The following PRKD3 variants were observed in gnomAD, a reference collection of about 807,000 sequenced individuals.
PRKD3 encodes the protein protein kinase D3, also known as serine/threonine-protein kinase D3.
Under a neutral mutation model 99.2 loss-of-function variants are expected in PRKD3, and 47 were observed. That is an observed-to-expected ratio of 0.47 (90% CI 0.38 to 0.60). The LOEUF is 0.60. Ranked by LOEUF, PRKD3 falls within the 20% of genes least tolerant of loss-of-function variation. PRKD3 has a pLI of 0.00. For synonymous variants in PRKD3, 392 were observed against 355.4 expected (o/e 1.10, Z -1.16); for missense variants, 1,019 against 1,088.4 (o/e 0.94, Z 0.90).
intron 2 of PRKD3, among the ~76,000 whole-genome samples, chr2:37,302,729 T>G (rs562951783): frequency 6.6e-6 from 1 of 152,264 alleles, no homozygotes; most frequent in East Asian, 1.9e-4. Context: ...CTTTTAATTT[T>G]TTTTTTTAGA....
intron 2 of PRKD3, among the ~76,000 whole-genome samples, chr2:37,298,463 G>A (rs1670769535): frequency 6.6e-6 from 1 of 151,078 alleles, no homozygotes; most frequent in Non-Finnish European, 1.5e-5. Flanking sequence ...TCCCATCTAA[G>A]TATATAATCT....
chr2:37,265,287 GA>G (rs1680650931), intron 14 of PRKD3, among the ~76,000 whole-genome samples: 1 of 152,122 alleles, frequency 6.6e-6, no homozygotes, highest in Non-Finnish European at 1.5e-5. Flanking sequence ...CAACCCATGT[GA>G]AAAAGTTTAG....
intron 2 of PRKD3, among the ~76,000 whole-genome samples, chr2:37,298,856 C>A (rs1435006056): frequency 6.6e-6 from 1 of 152,056 alleles, no homozygotes; most frequent in Non-Finnish European, 1.5e-5. Context: ...AATAGAAGAT[C>A]ATATCGTCTG....
In PRKD3 at chr2:37,256,935, A is replaced by T; in HGVS notation, c.2146-6T>A. On this transcript the variant is annotated splice_polypyrimidine_tract_variant and splice_region_variant and intron_variant, in intron 16 of 18. Coordinates refer to ENST00000234179, the MANE Select transcript of PRKD3 (RefSeq NM_005813.6). ...CCAAAGTCACACAGCTTCACCTGGA[A>T]ATTGAAGGATGATGTTAATTTTGTA... The T allele has an allele frequency of 6.2e-7, 1 of 1,613,782 alleles. No homozygotes were observed. Among genetic ancestry groups the T allele is most frequent in the Non-Finnish European group, 8.5e-7 (1 of 1,179,740 alleles).
intron 4 of PRKD3, 47 bp downstream of exon 4, chr2:37,290,821 A>G (rs746380995): frequency 3.3e-6 from 5 of 1,516,094 alleles, no homozygotes; most frequent in Non-Finnish European, 4.5e-6. Flanking sequence ...AAAAATGCAA[A>G]TGTGGAATCT....
At chr2:37,287,230 C>CAAAAAAAAAAAAAAAAAA (rs754092348) in intron 5 of PRKD3, among the ~76,000 whole-genome samples, 22 of 53,650 alleles carry the variant, frequency 4.1e-4, no homozygotes, top group South Asian at 1.9e-3. Flanking sequence ...AACTCCATCT[C>CAAAAAAAAAAAAAAAAAA]AAAAAAAAAA....
At chr2:37,319,249 T>C (rs1458847396) in intron 1 of PRKD3, among the ~76,000 whole-genome samples, 1 of 152,224 alleles carries the variant, frequency 6.6e-6, no homozygotes, top group Non-Finnish European at 1.5e-5. Flanking sequence ...TTGTCCATGC[T>C]ACCTTTGCAA....
At chr2:37,254,980 C>A (rs983829296) in intron 17 of PRKD3, among the ~76,000 whole-genome samples, 4 of 152,098 alleles carry the variant, frequency 2.6e-5, no homozygotes, top group Non-Finnish European at 5.9e-5. Context: ...TAACTACAGC[C>A]CTATATAATG....
At chr2:37,298,319 T>C (rs2124861680) in intron 2 of PRKD3, among the ~76,000 whole-genome samples, 1 of 152,004 alleles carries the variant, frequency 6.6e-6, no homozygotes, top group South Asian at 2.1e-4. Context: ...CTTTCCTTCA[T>C]TTTACACAAA....
chr2:37,282,482 T>C, intron 7 of PRKD3, 60 bp downstream of exon 7: 3 of 1,075,338 alleles, frequency 2.8e-6, no homozygotes, highest in Admixed American at 1.9e-5. Flanking sequence ...CCAAAGATAA[T>C]ACACCAAAGA....
At chr2:37,281,774 G>T (rs1029388047) in intron 7 of PRKD3, among the ~76,000 whole-genome samples, 1 of 152,104 alleles carries the variant, frequency 6.6e-6, no homozygotes, top group Non-Finnish European at 1.5e-5. Context: ...CTCCCCAAGA[G>T]AATTTTCATT....
chr2:37,289,494 A>G lies in PRKD3; in HGVS notation c.579T>C (p.His193=). The change falls in exon 5 of 19, where the codon CAT becomes CAC. Residue 193 remains histidine (H), a synonymous_variant. Coordinates refer to ENST00000234179, the MANE Select transcript of PRKD3 (RefSeq NM_005813.6). ...TTGGAATCTTGAAGGCACATCGTTT[A>G]TGGTAATTTAATCCACAGCCTAAAC... ...LKCEGCGLNY[H]KRCAFKIPNN... The G allele has an allele frequency of 6.2e-7, 1 of 1,613,112 alleles. No individual in the cohort carries two copies. The highest frequency in any genetic ancestry group is 8.5e-7 in the Non-Finnish European group (1 of 1,179,202).
chr2:37,300,316 T>TA (rs948023588), intron 2 of PRKD3, among the ~76,000 whole-genome samples: 36 of 149,936 alleles, frequency 2.4e-4, no homozygotes, highest in Non-Finnish European at 2.7e-4. Flanking sequence ...GTGAAAAATT[T>TA]AAAAAAAAAA....
rs1049452995 is a variant in PRKD3 at position 37,251,655 on chromosome 2, T to C, written c.*1522A>G. The C allele has an allele frequency of 6.6e-6, 1 of 152,006 alleles. No homozygotes were observed. The highest frequency in any genetic ancestry group is 2.4e-5 in the African/African-American group (1 of 41,360). 9.4% of individuals were successfully genotyped at this position (152,006 alleles called of 1,614,324 possible). A position where few individuals can be genotyped will look rare whatever the true frequency, so the allele number is the denominator to read the frequency against. ...CTACCTCAAATTCGGTGGGCAACGA[T>C]AGTTAACACTTTCCTAGTTTTTAGT... On this transcript the variant is annotated 3_prime_UTR_variant, in exon 19 of 19. Transcript: ENST00000234179.
intron 1 of PRKD3, among the ~76,000 whole-genome samples, 185 bp from the exon 2 acceptor site, chr2:37,317,364 G>A (rs942211260): frequency 7.2e-5 from 11 of 151,990 alleles, no homozygotes; most frequent in African/African-American, 2.7e-4. Flanking sequence ...TATAATTTCA[G>A]GGAGAGGCTC....
rs996657841 is a variant in PRKD3 at position 37,256,563 on chromosome 2, T to G, written c.2413+99A>C. On this transcript the variant is annotated intron_variant, in intron 17 of 18. Coordinates refer to ENST00000234179, the MANE Select transcript of PRKD3 (RefSeq NM_005813.6). ...ATGAATGGGAGATGTACTAAAAAGA[T>G]AAGTTGCAAGAGACAGACTGATTTG... The G allele has an allele frequency of 1.3e-5, 17 of 1,351,098 alleles. No individual in the cohort carries two copies. In the African/African-American group the frequency reaches 2.5e-4, roughly 20 times the overall value. The allele number at this position is 1,351,098 out of a possible 1,614,324, so 83.7% of individuals were successfully genotyped here.
chr2:37,279,990 GA>G (rs748970979), intron 7 of PRKD3, 61 bp from the exon 8 acceptor site: 6 of 1,160,750 alleles, frequency 5.2e-6, no homozygotes, highest in Non-Finnish European at 7.3e-6. Context: ...CATTAAATGT[GA>G]AAAAAGTCTT....
In PRKD3 at chr2:37,282,569, A is replaced by G. The variant is rs779235298; in HGVS notation, c.961T>C (p.Cys321Arg). 1 of 1,600,436 alleles carries G rather than the reference A, an allele frequency of 6.2e-7. No homozygotes were observed. Among genetic ancestry groups the G allele is most frequent in the East Asian group, 2.2e-5 (1 of 44,800 alleles). Residue 321 changes from cysteine (C) to arginine (R), a missense_variant, in exon 7 of 19, where the codon TGC (cysteine) becomes CGC (arginine). By Grantham distance (180) the Cys-to-Arg change is radical. Coordinates refer to ENST00000234179, the MANE Select transcript of PRKD3 (RefSeq NM_005813.6). ...CCATTGAAAGTAACCTCTCCAAGGC[A>G]GTCTCTTGGTACTTTTGATGCACAG... ...KRCASKVPRD[C>R]LGEVTFNGEP...
At chr2:37,267,654 G>T (rs1423174442) in intron 13 of PRKD3, 118 bp from the exon 14 acceptor site, 2 of 781,796 alleles carry the variant, frequency 2.6e-6, no homozygotes, top group Non-Finnish European at 4.2e-6. Context: ...GCTCATTTTT[G>T]TTCTTTCTCC....
Sources: gnomAD v4.1 joint callset for allele counts (sites outside exome capture counted in the v4.1 genomes callset) on GRCh38, gnomAD v4.1.1 for gene constraint, MANE v1.5 for transcripts, NCBI Gene and HGNC (gene_info 2026-07-23, HGNC 2026-07-21) for gene names.